Variants in NCALD observed in about 807,000 individuals in gnomAD.
The protein encoded by NCALD is neurocalcin delta, also known as neurocalcin-delta.
In NCALD, 10 loss-of-function variants were observed where a neutral mutation model predicts 18.6. The ratio of observed to expected loss-of-function variants is 0.54; its 90% CI spans 0.33 to 0.91. The LOEUF (loss-of-function observed/expected upper bound fraction) is 0.91. Ranked by LOEUF, NCALD falls within the 40% of genes least tolerant of loss-of-function variation. The pLI is 0.03. For missense variants in NCALD, 184 were observed against 247.6 expected, an observed-to-expected ratio of 0.74 and a Z score of 1.72; for synonymous variants, 88 against 87.4, an observed-to-expected ratio of 1.01 and a Z score of -0.04.
chr8:101,877,814 G>T (rs1816291761), intron 4 of NCALD, among the ~76,000 whole-genome samples: 1 of 152,076 alleles, frequency 6.6e-6, no homozygotes, highest in Admixed American at 6.5e-5. Context: ...CCTCCCTCTG[G>T]TTCTGGGGAA....
intron 1 of NCALD, among the ~76,000 whole-genome samples, chr8:102,072,069 A>G (rs1330044813): frequency 1.4e-5 from 2 of 146,378 alleles, no homozygotes; most frequent in East Asian, 3.9e-4. Flanking sequence ...CCAGACTTCA[A>G]GACCTACTAT....
At chr8:101,698,127 C>G (rs376279269) in intron 2 of NCALD, among the ~76,000 whole-genome samples, 4 of 152,226 alleles carry the variant, frequency 2.6e-5, no homozygotes, top group Non-Finnish European at 1.5e-5. Context: ...ACAAGCATTT[C>G]TATACACCAA....
intron 2 of NCALD, among the ~76,000 whole-genome samples, chr8:101,919,588 C>G (rs1481630324): frequency 6.6e-6 from 1 of 151,682 alleles, no homozygotes; most frequent in African/African-American, 2.4e-5. Context: ...ACAGAGTAAA[C>G]AGACAATCTA....
intron 1 of NCALD, among the ~76,000 whole-genome samples, chr8:101,729,869 C>T (rs1816738152): frequency 6.6e-6 from 1 of 152,118 alleles, no homozygotes; most frequent in Non-Finnish European, 1.5e-5. Flanking sequence ...GCCAATAAAA[C>T]ATACTTCTGA....
chr8:102,116,938 A>C (rs1177245917), intron 1 of NCALD, among the ~76,000 whole-genome samples: 1 of 152,222 alleles, frequency 6.6e-6, no homozygotes, highest in Non-Finnish European at 1.5e-5. Context: ...TCCAGTGACA[A>C]ATGTCTTTAT....
rs1043314004 is a variant in NCALD, at chr8:102,002,075, G to GA, written c.-157+18161dup. Among the ~76,000 whole-genome samples, 44 of 152,258 alleles carry GA rather than the reference G, an allele frequency of 2.9e-4. 1 individual carries two copies. Among genetic ancestry groups the GA allele is most frequent in the African/African-American group, 1.0e-3 (43 of 41,562 alleles). ...CTAAATGCTCCAATTAAAAGACACA[G>GA]ACTGGCAAATTGGATAAAGAGTCAA... is the stretch of plus-strand genomic sequence containing the variant. On this transcript the variant is annotated intron_variant, in intron 2 of 6. Transcript: ENST00000311028.
intron 4 of NCALD, among the ~76,000 whole-genome samples, chr8:101,817,180 A>G (rs1813530630): frequency 1.3e-5 from 2 of 152,140 alleles, no homozygotes; most frequent in African/African-American, 4.8e-5. Context: ...TTCTTGTGCC[A>G]GAATAGAAGC....
chr8:101,880,263 G>A (rs1726008998), intron 4 of NCALD, among the ~76,000 whole-genome samples: 1 of 152,144 alleles, frequency 6.6e-6, no homozygotes, highest in African/African-American at 2.4e-5. Context: ...TTACTGCCCG[G>A]GGCCAGCAGC....
At chr8:101,858,637 C>CA (rs1815416103) in intron 4 of NCALD, among the ~76,000 whole-genome samples, 1 of 151,982 alleles carries the variant, frequency 6.6e-6, no homozygotes. Flanking sequence ...AGCAGCCTGG[C>CA]AAAATACTGG....
intron 3 of NCALD, among the ~76,000 whole-genome samples, chr8:101,891,870 G>A (rs576211334): frequency 3.2e-4 from 49 of 152,310 alleles, no homozygotes; most frequent in Non-Finnish European, 4.7e-4. Context: ...CTACGCCCAC[G>A]GAATCTCGCT....
intron 1 of NCALD, among the ~76,000 whole-genome samples, chr8:102,022,731 C>A (rs1321574806): frequency 6.6e-6 from 1 of 152,176 alleles, no homozygotes; most frequent in Non-Finnish European, 1.5e-5. Context: ...ATACTTACCA[C>A]CCTTCCCACA....
intron 1 of NCALD, among the ~76,000 whole-genome samples, chr8:102,047,586 T>C (rs1346778695): frequency 1.3e-5 from 2 of 152,228 alleles, no homozygotes; most frequent in Non-Finnish European, 1.5e-5. Context: ...GCAGCTATTT[T>C]ATTACTGCAG....
chr8:101,768,720 A>AAC (rs200225354), intron 1 of NCALD, among the ~76,000 whole-genome samples: 3,655 of 98,246 alleles, frequency 0.037, 117 homozygotes, highest in East Asian at 0.19. Context: ...AAAAACAAAA[A>AAC]AACAAAAAAA....
intron 4 of NCALD, among the ~76,000 whole-genome samples, chr8:101,846,055 T>A (rs180671265): frequency 3.2e-4 from 49 of 152,338 alleles, no homozygotes; most frequent in African/African-American, 1.0e-3. Context: ...ATATATACAT[T>A]TTCTTTATCC....
intron 4 of NCALD, among the ~76,000 whole-genome samples, chr8:101,823,469 T>C (rs1813803819): frequency 6.6e-6 from 1 of 152,218 alleles, no homozygotes; most frequent in Non-Finnish European, 1.5e-5. Flanking sequence ...GAGTTTGGCC[T>C]ACCTTGTAAT....
chr8:101,951,198 A>C (rs1356962690), intron 2 of NCALD, among the ~76,000 whole-genome samples: 2 of 152,212 alleles, frequency 1.3e-5, no homozygotes, highest in Non-Finnish European at 2.9e-5. Context: ...GCTAGAAAAA[A>C]CGATGAGGAC....
At chr8:101,946,357 G>C (rs1819171615) in intron 2 of NCALD, among the ~76,000 whole-genome samples, 1 of 152,154 alleles carries the variant, frequency 6.6e-6, no homozygotes, top group Non-Finnish European at 1.5e-5. Context: ...AATGTAGCCA[G>C]AGAGACAGGC....
chr8:101,929,438 G>T, intron 2 of NCALD, among the ~76,000 whole-genome samples: 2 of 49,942 alleles, frequency 4.0e-5, no homozygotes, highest in East Asian at 5.6e-4. Flanking sequence ...AGGAAGGAAG[G>T]AAAGGAGGGA....
chr8:101,764,016 C>A (rs2154649), intron 1 of NCALD, among the ~76,000 whole-genome samples: 2,491 of 15,104 alleles, frequency 0.16, 143 homozygotes, highest in South Asian at 0.36. Flanking sequence ...ACACACACAC[C>A]CCCTATTGGT....
Sources: gnomAD v4.1 joint callset for allele counts (sites outside exome capture counted in the v4.1 genomes callset) on GRCh38, gnomAD v4.1.1 for gene constraint, MANE v1.5 for transcripts, NCBI Gene and HGNC (gene_info 2026-07-23, HGNC 2026-07-21) for gene names.